NSMCE1: variants seen among roughly 807,000 people sequenced by gnomAD.
The protein encoded by NSMCE1 is NSE1 component of SMC5/6 complex.
NSMCE1 carries 18 observed loss-of-function variants against 29.6 expected under a neutral mutation model. That is an observed-to-expected ratio of 0.61 (90% CI 0.42 to 0.90). The LOEUF (loss-of-function observed/expected upper bound fraction) is 0.90. Among genes scored for constraint, NSMCE1 ranks in the 40% least tolerant of loss-of-function variants. NSMCE1 has a pLI of 0.00. For synonymous variants in NSMCE1, 124 were observed against 133.4 expected (o/e 0.93, Z 0.49); for missense variants, 314 against 343.6 (o/e 0.91, Z 0.68).
intron 2 of NSMCE1, among the ~76,000 whole-genome samples, chr16:27,248,738 G>A (rs1275137857): frequency 2.0e-5 from 3 of 151,266 alleles, no homozygotes. Flanking sequence ...ATGATGTTGA[G>A]CATCTTTTCA....
chr16:27,237,549 G>A (rs549732765), intron 2 of NSMCE1, among the ~76,000 whole-genome samples: 1 of 152,306 alleles, frequency 6.6e-6, no homozygotes, highest in South Asian at 2.1e-4. Context: ...AGGTGCAAGA[G>A]GCCCAGACAT....
rs2083771709 is a variant in NSMCE1, at chr16:27,232,403, A to G, written c.483+598T>C. ...GGAGCTGCAGTGGGGCCTGTCCCAG[A>G]TGTCACAGCTCCTTTCCTGAAGCAG... is the stretch of plus-strand genomic sequence containing the variant. On this transcript the variant is annotated intron_variant, in intron 5 of 7. Transcript: ENST00000361439. The surrounding 1 kb of genome is among the most constrained non-coding windows in gnomAD (Gnocchi z 4.5). 6.6e-6 allele frequency among the ~76,000 whole-genome samples: 1 copy of G among 152,216 alleles called. No homozygotes were observed.
chr16:27,242,082 G>C (rs1456662953), intron 2 of NSMCE1, among the ~76,000 whole-genome samples: 1 of 152,188 alleles, frequency 6.6e-6, no homozygotes, highest in Admixed American at 6.5e-5. Context: ...TCAGTCCTGC[G>C]TTCATCATCG....
At chr16:27,239,963 A>C (rs1029259857) in intron 2 of NSMCE1, among the ~76,000 whole-genome samples, 7 of 140,758 alleles carry the variant, frequency 5.0e-5, no homozygotes, top group African/African-American at 1.8e-4. Flanking sequence ...ATGTGCCAGC[A>C]CTATGCATTC....
intron 1 of NSMCE1, among the ~76,000 whole-genome samples, chr16:27,259,799 G>T (rs1026646523): frequency 6.6e-6 from 1 of 152,138 alleles, no homozygotes; most frequent in Non-Finnish European, 1.5e-5. Flanking sequence ...GAAAAAGTCA[G>T]ATGACTTCTA....
intron 2 of NSMCE1, among the ~76,000 whole-genome samples, chr16:27,235,869 G>A (rs1228672179): frequency 6.6e-6 from 1 of 152,210 alleles, no homozygotes; most frequent in Non-Finnish European, 1.5e-5. Context: ...GGGGTGAGAA[G>A]GGTGGCTTGC....
In NSMCE1 at chr16:27,257,562, G is replaced by C; in HGVS notation, c.9C>G (p.Gly3=). Residue 3 remains glycine (G), a synonymous_variant, in exon 2 of 8, where the codon GGC becomes GGG. Coordinates refer to ENST00000361439, the MANE Select transcript of NSMCE1 (RefSeq NM_145080.4). MQ[G]STRRMGVMTD... ...TCATGACGCCCATTCTCCTTGTGCT[G>C]CCCTGCATGTGGGAACGAACTGAAA... 1 of 1,611,446 alleles carries C rather than the reference G, an allele frequency of 6.2e-7. No homozygotes were observed. Among genetic ancestry groups the C allele is most frequent in the Non-Finnish European group, 8.5e-7 (1 of 1,178,940 alleles).
At chr16:27,257,257 G>GA (rs1249398181) in intron 2 of NSMCE1, 178 bp downstream of exon 2, 19 of 496,534 alleles carry the variant, frequency 3.8e-5, no homozygotes, top group Non-Finnish European at 4.7e-5. Context: ...GGTTTACTTG[G>GA]AAAAAAAATA....
chr16:27,242,531 C>G (rs1474763772), intron 2 of NSMCE1, among the ~76,000 whole-genome samples: 1 of 152,170 alleles, frequency 6.6e-6, no homozygotes, highest in Admixed American at 6.5e-5. Flanking sequence ...TATGACACCA[C>G]TGCAGGAGTG....
intron 2 of NSMCE1, among the ~76,000 whole-genome samples, chr16:27,238,853 C>G (rs530765289): frequency 1.3e-5 from 2 of 152,094 alleles, no homozygotes; most frequent in East Asian, 3.9e-4. Flanking sequence ...GTGTCCCTCC[C>G]CCAATAGCAT....
intron 2 of NSMCE1, among the ~76,000 whole-genome samples, chr16:27,247,262 AGT>A (rs2083967748): frequency 2.6e-5 from 4 of 152,170 alleles, no homozygotes; most frequent in African/African-American, 9.7e-5. Flanking sequence ...ACAGTGAGTG[AGT>A]TCTCAAGAGA....
At chr16:27,252,877 C>T (rs1289480014) in intron 2 of NSMCE1, among the ~76,000 whole-genome samples, 1 of 152,100 alleles carries the variant, frequency 6.6e-6, no homozygotes, top group African/African-American at 2.4e-5. Flanking sequence ...CGAGATCTTG[C>T]CATTGCACTC....
At chr16:27,260,179 T>A (rs2084139616) in intron 1 of NSMCE1, among the ~76,000 whole-genome samples, 1 of 152,176 alleles carries the variant, frequency 6.6e-6, no homozygotes, top group Admixed American at 6.5e-5. Flanking sequence ...AAAAAAAGTT[T>A]TTAATACCAC....
At chr16:27,233,233 A>G in intron 4 of NSMCE1, 86 bp from the exon 5 acceptor site, 1 of 1,148,950 alleles carries the variant, frequency 8.7e-7, no homozygotes, top group South Asian at 1.4e-5. Context: ...GCAGAGGCAC[A>G]GTAAAACCAC....
At chr16:27,238,166 G>C (rs997460838) in intron 2 of NSMCE1, among the ~76,000 whole-genome samples, 1 of 152,216 alleles carries the variant, frequency 6.6e-6, no homozygotes. Flanking sequence ...AGAAGCAGAG[G>C]TGTGGGCTCT....
intron 6 of NSMCE1, chr16:27,226,496 C>T: frequency 1.9e-6 from 1 of 524,628 alleles, no homozygotes; most frequent in Non-Finnish European, 3.4e-6. Flanking sequence ...GCCCTTGGAC[C>T]CCAACAGCAG....
At chr16:27,260,163 T>A (rs2084139187) in intron 1 of NSMCE1, among the ~76,000 whole-genome samples, 1 of 152,166 alleles carries the variant, frequency 6.6e-6, no homozygotes, top group Admixed American at 6.6e-5. Flanking sequence ...AATGCTTCTA[T>A]CTTTAAAAAA....
rs554324438 is a variant in NSMCE1, at chr16:27,225,767, C to A, written c.680G>T (p.Arg227Leu). 1.9e-5 allele frequency: 31 copies of A among 1,614,158 alleles called. No homozygotes were observed. Among genetic ancestry groups the A allele is most frequent in the Non-Finnish European group, 2.5e-5 (30 of 1,180,024 alleles). The change falls in exon 7 of 8, where the codon CGC (arginine) becomes CTC (leucine). Residue 227 changes from arginine (R) to leucine (L), a missense_variant. Physicochemically the swap from Arg to Leu is moderately radical, Grantham distance 102. Coordinates refer to ENST00000361439, the MANE Select transcript of NSMCE1 (RefSeq NM_145080.4). The part of the protein sequence containing the change: ...AKYFQSNAEP[R>L]CPHCNDYWPH... ...CCAGTAGTCGTTGCAGTGGGGGCAG[C>A]GCGGTTCAGCATTCGACTGGAAGTA...
At chr16:27,239,033 G>A (rs1353070351) in intron 2 of NSMCE1, among the ~76,000 whole-genome samples, 1 of 152,020 alleles carries the variant, frequency 6.6e-6, no homozygotes, top group Non-Finnish European at 1.5e-5. Context: ...ACCACACCTG[G>A]CTAATTTTTT....
Sources: allele counts gnomAD v4.1 joint callset (sites outside exome capture counted in the v4.1 genomes callset), GRCh38; gene constraint gnomAD v4.1.1; non-coding constraint Gnocchi (gnomAD v3.1); transcripts MANE v1.5; gene names NCBI Gene and HGNC (gene_info 2026-07-23, HGNC 2026-07-21).